Variants in TET1 observed in about 807,000 individuals in gnomAD.
The protein encoded by TET1 is methylcytosine dioxygenase TET1.
In TET1, 13 loss-of-function variants were observed where a neutral mutation model predicts 148.7. The ratio of observed to expected loss-of-function variants is 0.09; its 90% CI spans 0.06 to 0.14. TET1 has a LOEUF of 0.14. TET1 is among the 10% of genes least tolerant of loss of function. The pLI is 1.00. For missense variants in TET1, 2,182 were observed against 2,553.8 expected, an observed-to-expected ratio of 0.85 and a Z score of 3.14; for synonymous variants, 907 against 937.2, an observed-to-expected ratio of 0.97 and a Z score of 0.59.
At chr10:68,617,719 T>C (rs993892613) in intron 3 of TET1, among the ~76,000 whole-genome samples, 1 of 151,976 alleles carries the variant, frequency 6.6e-6, no homozygotes, top group Non-Finnish European at 1.5e-5. Flanking sequence ...GCTAATTTTG[T>C]ATTTTTAGTA....
chr10:68,589,320 A>G (rs2053893532), intron 2 of TET1, among the ~76,000 whole-genome samples: 1 of 152,052 alleles, frequency 6.6e-6, no homozygotes, highest in Non-Finnish European at 1.5e-5. Context: ...CATTATCACT[A>G]GAAGTGAAAG....
At chr10:68,673,943 TTTTTC>T (rs1323793802) in intron 8 of TET1, among the ~76,000 whole-genome samples, 96 of 134,406 alleles carry the variant, frequency 7.1e-4, no homozygotes, top group African/African-American at 1.7e-3. Context: ...TTCTTTTTTT[TTTTTC>T]TTTTTCTTTT....
chr10:68,642,086 A>G (rs1046227974), intron 3 of TET1, among the ~76,000 whole-genome samples: 3 of 152,154 alleles, frequency 2.0e-5, no homozygotes, highest in African/African-American at 7.2e-5. Context: ...TTCTTTTTAC[A>G]ATTGGTATCA....
intron 2 of TET1, among the ~76,000 whole-genome samples, chr10:68,590,128 T>G (rs969687586): frequency 6.6e-6 from 1 of 152,102 alleles, no homozygotes; most frequent in East Asian, 1.9e-4. Context: ...TCTTTTTTTG[T>G]GTGTGACAGG....
At position 68,686,568 on chromosome 10, in the gene TET1, A is replaced by G. The variant is rs1463090132; in HGVS notation, c.5265A>G (p.Gly1755=). The G allele has an allele frequency of 3.1e-6, 5 of 1,614,044 alleles. No individual in the cohort carries two copies. The highest frequency in any genetic ancestry group is 1.3e-5 in the African/African-American group (1 of 74,906). The change falls in exon 11 of 12, where the codon GGA becomes GGG. Residue 1755 remains glycine (G), a synonymous_variant. Transcript: ENST00000373644. ...TCACTCAGCCTGTTCCCCGTTCTGG[A>G]AAGAAGAGGGCTGCGATGATGACAG... is the stretch of plus-strand genomic sequence containing the variant. The part of the protein sequence containing the change: ...TCFTQPVPRS[G]KKRAAMMTEV...
chr10:68,574,023 T>A lies in TET1; in HGVS notation c.1685T>A (p.Val562Glu). ...GTTCATGTTGTCAACACCACAGTGGTGACTATGCCAGTGCCAATGGTCAGT... is the reference window on the plus strand; with the variant it reads ...GTTCATGTTGTCAACACCACAGTGGAGACTATGCCAGTGCCAATGGTCAGT... ...STVHVVNTTV[V>E]TMPVPMVSTS... is the part of the protein sequence containing the mutation. The change falls in exon 2 of 12, where the codon GTG becomes GAG. Residue 562 changes from valine to glutamate, a missense_variant. Physicochemically the swap from Val to Glu is moderately radical, Grantham distance 121. Around this residue, in one of 11 missense-constraint regions of TET1, gnomAD observed 665 missense variants for 672.4 expected, o/e 0.99. Coordinates refer to ENST00000373644, the MANE Select transcript of TET1 (RefSeq NM_030625.3). 1 of 1,614,168 alleles carries A rather than the reference T, an allele frequency of 6.2e-7. No individual in the cohort carries two copies.
At chr10:68,575,969 G>A (rs1352177668) in intron 2 of TET1, among the ~76,000 whole-genome samples, 5 of 149,958 alleles carry the variant, frequency 3.3e-5, no homozygotes, top group South Asian at 2.1e-4. Flanking sequence ...GCAGTGAGCC[G>A]AGATTGTGCC....
At chr10:68,616,346 A>ATTCAAT (rs1286062267) in intron 3 of TET1, among the ~76,000 whole-genome samples, 6 of 152,192 alleles carry the variant, frequency 3.9e-5, no homozygotes, top group African/African-American at 1.4e-4. Flanking sequence ...TGAGTTTTGC[A>ATTCAAT]TTTGCTGATG....
Position 68,683,031 on chromosome 10 carries a change from A to C in TET1, c.5052+58A>C, listed in dbSNP as rs561392161. On this transcript the variant is annotated intron_variant, in intron 10 of 11. Coordinates refer to ENST00000373644, the MANE Select transcript of TET1 (RefSeq NM_030625.3). ...CTCCATCACTATATGCTTAGGCTGC[A>C]GTCCTTACGTATACTGTGATGACTA... The C allele has an allele frequency of 7.6e-6, 12 of 1,575,140 alleles. No individual in the cohort carries two copies. In the East Asian group the frequency reaches 2.5e-4, roughly 32 times the overall value.
rs748823854 is a variant in TET1, at chr10:68,690,826, T to C, written c.5423T>C (p.Val1808Ala). 5.6e-6 allele frequency: 9 copies of C among 1,609,204 alleles called. No individual in the cohort carries two copies. In the South Asian group the frequency reaches 9.9e-5, roughly 18 times the overall value. Residue 1808 changes from valine (V) to alanine (A), a missense_variant, in exon 12 of 12, where the codon GTG (valine) becomes GCG (alanine). By Grantham distance (64) the Val-to-Ala change is moderately conservative (BLOSUM62 0). Coordinates refer to ENST00000373644, the MANE Select transcript of TET1 (RefSeq NM_030625.3). Reference protein sequence around the residue: ...LPTLGSNTETVQPEVKSETEP... With the variant: ...LPTLGSNTETAQPEVKSETEP... ...TGTTTAGGGAGTAACACTGAGACCG[T>C]GCAACCTGAAGTAAAAAGTGAAACC...
At chr10:68,677,173 G>A (rs910683110) in intron 8 of TET1, among the ~76,000 whole-genome samples, 10 of 152,184 alleles carry the variant, frequency 6.6e-5, no homozygotes, top group Non-Finnish European at 1.5e-4. Context: ...AGCTTTAGCA[G>A]AAAATAGCCC....
chr10:68,563,195 T>A (rs1310910622), intron 1 of TET1, among the ~76,000 whole-genome samples: 1 of 152,086 alleles, frequency 6.6e-6, no homozygotes, highest in Non-Finnish European at 1.5e-5. Context: ...GTGTTTTACA[T>A]ATGGAAGGAG....
chr10:68,621,538 A>G (rs2054371267), intron 3 of TET1, among the ~76,000 whole-genome samples: 1 of 152,176 alleles, frequency 6.6e-6, no homozygotes, highest in African/African-American at 2.4e-5. Context: ...CTGAGATCGC[A>G]CCATTGCACT....
rs2054858246 is a variant in TET1, at chr10:68,646,856, G to A, written c.4127G>A (p.Cys1376Tyr). The A allele has an allele frequency of 2.5e-6, 4 of 1,614,180 alleles. No homozygotes were observed. In the East Asian group the frequency reaches 6.7e-5, roughly 27 times the overall value. The change falls in exon 4 of 12, where the codon TGT becomes TAT. Residue 1376 changes from cysteine (C) to tyrosine (Y), a missense_variant. By Grantham distance (194) the Cys-to-Tyr change is radical. This residue lies in a region of TET1 where 169 missense variants were observed against 263.7 expected (regional missense o/e 0.64). Coordinates refer to ENST00000373644, the MANE Select transcript of TET1 (RefSeq NM_030625.3). ...VVSTKSEEEV[C>Y]SSSFGTSEFS... is the part of the protein sequence containing the mutation. ...TCTACCAAAAGTGAAGAGGAAGTCT[G>A]TTCATCCAGTTTTGGAACATCAGAA...
Position 68,573,037 on chromosome 10 carries a change from G to A in TET1, c.699G>A (p.Leu233=), listed in dbSNP as rs1346348989. 1 of 1,614,130 alleles carries A rather than the reference G, an allele frequency of 6.2e-7. No homozygotes were observed. The highest frequency in any genetic ancestry group is 1.7e-5 in the Admixed American group (1 of 60,014). ...AAGGACTATTCTCTGAAGAGACATT[G>A]AATGATACCAGTGGTTCCCCAAAAA... is the stretch of plus-strand genomic sequence containing the variant. ...CGEGLFSEET[L]NDTSGSPKMF... is the part of the protein sequence containing the mutation. The change falls in exon 2 of 12, where the codon TTG becomes TTA. Residue 233 remains leucine (L), a synonymous_variant. Coordinates refer to ENST00000373644, the MANE Select transcript of TET1 (RefSeq NM_030625.3).
At chr10:68,564,380 C>T (rs1281637265) in intron 1 of TET1, among the ~76,000 whole-genome samples, 1 of 152,004 alleles carries the variant, frequency 6.6e-6, no homozygotes, top group African/African-American at 2.4e-5. Flanking sequence ...AACTCCTGAC[C>T]TCAAGTGATC....
intron 7 of TET1, among the ~76,000 whole-genome samples, chr10:68,668,499 A>G (rs1410490625): frequency 6.6e-6 from 1 of 152,258 alleles, no homozygotes; most frequent in African/African-American, 2.4e-5. Context: ...TTAAAATATA[A>G]ATTTTTGAAA....
At chr10:68,616,084 A>C (rs889399857) in intron 3 of TET1, among the ~76,000 whole-genome samples, 10 of 152,240 alleles carry the variant, frequency 6.6e-5, no homozygotes, top group African/African-American at 1.7e-4. Context: ...TGTACTGATA[A>C]GGAAATTAAC....
rs2054838110 is a variant in TET1 at position 68,645,945 on chromosome 10, A to G, written c.3216A>G (p.Gln1072=). 6.2e-7 allele frequency: 1 copy of G among 1,614,084 alleles called. No individual in the cohort carries two copies. Among genetic ancestry groups the G allele is most frequent in the African/African-American group, 1.3e-5 (1 of 75,030 alleles). The change falls in exon 4 of 12, where the codon CAA becomes CAG. Residue 1072 remains glutamine (Q), a synonymous_variant. Transcript: ENST00000373644. ...DLSCQDATHT[Q]IEEDVATQLT... is the part of the protein sequence containing the mutation. ...CATGTCAGGATGCAACCCATACCCAAATTGAGGAAGATGTTGCAACACAGT... is the reference window on the plus strand; with the variant it reads ...CATGTCAGGATGCAACCCATACCCAGATTGAGGAAGATGTTGCAACACAGT...
Sources: gnomAD v4.1 joint callset for allele counts (sites outside exome capture counted in the v4.1 genomes callset) on GRCh38, gnomAD v4.1.1 for gene constraint, gnomAD v4.1.1 regional missense constraint, MANE v1.5 for transcripts, NCBI Gene and HGNC (gene_info 2026-07-23, HGNC 2026-07-21) for gene names.